Variants in UNC79 observed in about 807,000 individuals in gnomAD.
The protein encoded by UNC79 is unc-79 subunit of NALCN channel complex.
Under a neutral mutation model 283.1 loss-of-function variants are expected in UNC79, and 37 were observed. That is an observed-to-expected ratio of 0.13 (90% confidence interval 0.10 to 0.17). The LOEUF (loss-of-function observed/expected upper bound fraction) is 0.17, where lower values mean the gene tolerates loss of function less well. Among genes scored for constraint, UNC79 ranks in the 10% least tolerant of loss-of-function variants. The pLI is 1.00. For synonymous variants in UNC79, 1,107 were observed against 1,200.2 expected (o/e 0.92, Z 1.61); for missense variants, 2,272 against 3,211.1 (o/e 0.71, Z 7.07).
chr14:93,425,476 A>G (rs1026637654), upstream of UNC79, among the ~76,000 whole-genome samples: 6 of 152,224 alleles, frequency 3.9e-5, no homozygotes, highest in Non-Finnish European at 8.8e-5. Flanking sequence ...TTGCCTTATA[A>G]AGACTTATTA....
At chr14:93,561,871 C>T (rs373361194) in intron 14 of UNC79, among the ~76,000 whole-genome samples, 19 of 152,032 alleles carry the variant, frequency 1.2e-4, no homozygotes, top group East Asian at 7.7e-4. Context: ...TAGTTGAGAA[C>T]GGTGAATAGG....
rs1271163268 is a variant in UNC79, at chr14:93,654,019, C to T, written c.6276C>T (p.Leu2092=). The change falls in exon 37 of 49, where the codon CTC becomes CTT. Residue 2092 remains leucine, a synonymous_variant. Transcript: ENST00000555664. ...GCTCCATCGCAGCTCTCAGTCAGCTCCTAGAGGTGGGTTTCCTTTAATGAC... is the reference window on the plus strand; with the variant it reads ...GCTCCATCGCAGCTCTCAGTCAGCTTCTAGAGGTGGGTTTCCTTTAATGAC... 2.5e-6 allele frequency: 4 copies of T among 1,614,056 alleles called. No homozygotes were observed. The South Asian group carries it at 4.4e-5, about 18-fold the overall frequency.
intron 14 of UNC79, among the ~76,000 whole-genome samples, chr14:93,543,171 G>A (rs2061449676): frequency 6.6e-6 from 1 of 150,742 alleles, no homozygotes; most frequent in Non-Finnish European, 1.5e-5. Flanking sequence ...ATTCAAATAG[G>A]GGAAATGTCT....
chr14:93,423,387 A>G (rs1566926008), intron 1 of UNC79, among the ~76,000 whole-genome samples: 2 of 152,218 alleles, frequency 1.3e-5, no homozygotes, highest in South Asian at 4.1e-4. Flanking sequence ...GGAACCACAA[A>G]AGACCCAGAA....
At chr14:93,499,679 CA>C (rs1206985432) in intron 7 of UNC79, among the ~76,000 whole-genome samples, 1 of 152,036 alleles carries the variant, frequency 6.6e-6, no homozygotes, top group African/African-American at 2.4e-5. Flanking sequence ...GGAAAGACCC[CA>C]AAACTGCCTT....
chr14:93,351,013 A>G (rs2053971437), intron 1 of UNC79, among the ~76,000 whole-genome samples: 1 of 152,246 alleles, frequency 6.6e-6, no homozygotes, highest in Admixed American at 6.5e-5. Flanking sequence ...TTCTCCTGCT[A>G]TACTCATAAC....
chr14:93,659,060 A>G (rs987383566), intron 38 of UNC79, 133 bp from the exon 42 acceptor site: 9 of 626,974 alleles, frequency 1.4e-5, no homozygotes, highest in African/African-American at 1.3e-4. Context: ...ATATTATGGC[A>G]TGGGAATCTG....
intron 41 of UNC79, among the ~76,000 whole-genome samples, chr14:93,677,059 G>T (rs1566908252): frequency 6.6e-6 from 1 of 152,132 alleles, no homozygotes; most frequent in East Asian, 1.9e-4. Flanking sequence ...GTTGAGCGTG[G>T]TTTGTTCCTG....
chr14:93,484,047 A>G (rs1167400603), intron 4 of UNC79, among the ~76,000 whole-genome samples: 1 of 152,318 alleles, frequency 6.6e-6, no homozygotes, highest in Non-Finnish European at 1.5e-5. Flanking sequence ...TCCTTTGGGT[A>G]TATACCCAGT....
chr14:93,519,626 CT>C (rs891793737), intron 7 of UNC79, among the ~76,000 whole-genome samples: 2 of 151,328 alleles, frequency 1.3e-5, no homozygotes, highest in African/African-American at 2.4e-5. Context: ...CCATCTGTTC[CT>C]TTTTTTTCTT....
rs186250344 is a variant in UNC79 at position 93,447,134 on chromosome 14, T to C, written c.22+16083T>C. Among the ~76,000 whole-genome samples, 101 of 152,304 alleles carry C rather than the reference T, an allele frequency of 6.6e-4. 1 individual carries two copies. The highest frequency in any genetic ancestry group is 2.3e-3 in the African/African-American group (96 of 41,578). ...TTATTTTTATGAAGTGTCTTTTTTATCCTTGTTAATATATTTTGCTTTGAA... is the reference window on the plus strand; with the variant it reads ...TTATTTTTATGAAGTGTCTTTTTTACCCTTGTTAATATATTTTGCTTTGAA... On this transcript the variant is annotated intron_variant, in intron 1 of 48. Transcript: ENST00000555664.
chr14:93,627,401 C>A (rs939364831), intron 30 of UNC79, among the ~76,000 whole-genome samples: 6 of 152,170 alleles, frequency 3.9e-5, no homozygotes, highest in African/African-American at 1.4e-4. Context: ...TGCTGTGTAA[C>A]AAACACCTCA....
intron 1 of UNC79, among the ~76,000 whole-genome samples, chr14:93,369,846 G>A (rs1442004527): frequency 6.6e-6 from 1 of 152,200 alleles, no homozygotes; most frequent in Non-Finnish European, 1.5e-5. Context: ...ACCTACTGGG[G>A]TTTCATTGCT....
At chr14:93,658,314 C>G (rs1041764774) in intron 38 of UNC79, among the ~76,000 whole-genome samples, 33 of 152,166 alleles carry the variant, frequency 2.2e-4, no homozygotes, top group Non-Finnish European at 5.9e-5. Flanking sequence ...ACACAACTTA[C>G]TGGGCCTGAT....
chr14:93,539,622 G>A lies in UNC79; in HGVS notation c.1353-1038G>A, dbSNP rs574201220. 2.6e-5 allele frequency among the ~76,000 whole-genome samples: 4 copies of A among 152,246 alleles called. No individual in the cohort carries two copies. In the South Asian group the frequency reaches 8.3e-4, roughly 32 times the overall value. On this transcript the variant is annotated intron_variant, in intron 12 of 48. Transcript: ENST00000555664. ...CTCTTATCCCAGTGGCTGACACGTAGTAGAAATACAATTAATGTTTGTCAA... is the reference window on the plus strand; with the variant it reads ...CTCTTATCCCAGTGGCTGACACGTAATAGAAATACAATTAATGTTTGTCAA...
intron 47 of UNC79, among the ~76,000 whole-genome samples, chr14:93,703,357 A>G (rs1391385421): frequency 6.6e-6 from 1 of 152,140 alleles, no homozygotes; most frequent in Admixed American, 6.5e-5. Flanking sequence ...AAGGGATTGG[A>G]GAGAGAATTT....
At chr14:93,372,863 T>G (rs2054481798) in intron 1 of UNC79, among the ~76,000 whole-genome samples, 1 of 152,190 alleles carries the variant, frequency 6.6e-6, no homozygotes, top group Non-Finnish European at 1.5e-5. Flanking sequence ...GCAGAGTACA[T>G]GTTCTTCTCA....
In UNC79 at chr14:93,621,778, C is replaced by G. The variant is rs755708144; in HGVS notation, c.4545C>G (p.Asp1515Glu). Residue 1515 changes from aspartate to glutamate, a missense_variant, in exon 30 of 49, where the codon GAC (aspartate) becomes GAG (glutamate). Coordinates refer to ENST00000555664, the Ensembl canonical transcript of UNC79. The surrounding 1 kb of genome is among the most constrained non-coding windows in gnomAD (Gnocchi z 4.8). ...CAGACTCGCTTTTGTTTACATTAGA[C>G]GAACATCGTAGGAAGTCGTGCATAG... 6.2e-7 allele frequency: 1 copy of G among 1,613,888 alleles called. No individual in the cohort carries two copies. The highest frequency in any genetic ancestry group is 2.2e-5 in the East Asian group (1 of 44,858).
Position 93,688,600 on chromosome 14 carries a change from C to A in UNC79, c.6910-65C>A, listed in dbSNP as rs2074436563. On this transcript the variant is annotated intron_variant, in intron 43 of 48. Coordinates refer to ENST00000555664, the Ensembl canonical transcript of UNC79. This position sits in a 1 kb window ranked among gnomAD's most constrained non-coding sequence, Gnocchi z 4.0. ...GGTGGAAATGACAACCTCTTCTTTT[C>A]AAAGAATGGCCTGGAATGAATCCAG... 2 of 1,545,232 alleles carry A rather than the reference C, an allele frequency of 1.3e-6. No homozygotes were observed. Among genetic ancestry groups the A allele is most frequent in the South Asian group, 2.5e-5 (2 of 79,710 alleles).
Sources: gnomAD v4.1 joint callset for allele counts (sites outside exome capture counted in the v4.1 genomes callset) on GRCh38, gnomAD v4.1.1 for gene constraint, Gnocchi (gnomAD v3.1) non-coding constraint, MANE v1.5 for transcripts, NCBI Gene and HGNC (gene_info 2026-07-23, HGNC 2026-07-21) for gene names.